CSMD1: variants seen among roughly 807,000 people sequenced by gnomAD.
CSMD1 encodes CUB and sushi domain-containing protein 1.
In CSMD1, 213 loss-of-function variants were observed where a neutral mutation model predicts 417.5. The observed-to-expected ratio is 0.51, with a 90% CI of 0.46 to 0.57. The LOEUF (loss-of-function observed/expected upper bound fraction) is 0.57, where lower values mean the gene tolerates loss of function less well. CSMD1 is among the 20% of genes least tolerant of loss of function. The pLI is 0.00. For missense variants in CSMD1, 6,923 were observed against 4,529.7 expected, an observed-to-expected ratio of 1.53 and a Z score of -15.17; for synonymous variants, 2,862 against 1,736.8, an observed-to-expected ratio of 1.65 and a Z score of -16.11.
chr8:4,486,621 A>G (rs1269069923), intron 2 of CSMD1, among the ~76,000 whole-genome samples: 1 of 152,076 alleles, frequency 6.6e-6, no homozygotes, highest in East Asian at 1.9e-4. Flanking sequence ...TATAAATACG[A>G]CTCAGTGACC....
At chr8:4,887,357 A>G (rs1012693149) in intron 1 of CSMD1, among the ~76,000 whole-genome samples, 7 of 152,068 alleles carry the variant, frequency 4.6e-5, no homozygotes, top group South Asian at 2.1e-4. Flanking sequence ...ATCCGTTTAA[A>G]TGTATTAAGG....
intron 26 of CSMD1, among the ~76,000 whole-genome samples, chr8:3,255,869 C>G (rs1048245998): frequency 1.3e-5 from 2 of 152,190 alleles, no homozygotes; most frequent in African/African-American, 4.8e-5. Context: ...GCTGCACCCA[C>G]TGTCCTGCAC....
intron 3 of CSMD1, among the ~76,000 whole-genome samples, chr8:4,408,460 G>T (rs530050487): frequency 6.6e-6 from 1 of 152,296 alleles, no homozygotes; most frequent in East Asian, 1.9e-4. Context: ...ATAACTGCAT[G>T]AATTATTGAC....
chr8:4,420,896 C>G (rs1265183493), intron 2 of CSMD1, among the ~76,000 whole-genome samples: 1 of 152,150 alleles, frequency 6.6e-6, no homozygotes, highest in South Asian at 2.1e-4. Flanking sequence ...CTTTCACCCT[C>G]CTAGGAGCCC....
chr8:4,261,095 CTA>C (rs1167492277), intron 3 of CSMD1, among the ~76,000 whole-genome samples: 1 of 152,170 alleles, frequency 6.6e-6, no homozygotes, highest in African/African-American at 2.4e-5. Flanking sequence ...TATAATTTTT[CTA>C]TGTGTCATTT....
At chr8:4,715,231 T>C (rs572097675) in intron 1 of CSMD1, among the ~76,000 whole-genome samples, 153 of 152,352 alleles carry the variant, frequency 1.0e-3, no homozygotes, top group African/African-American at 3.6e-3. Context: ...TTTTTATGAA[T>C]TTGAATTCAT....
intron 3 of CSMD1, among the ~76,000 whole-genome samples, chr8:4,267,676 C>T (rs1028857829): frequency 2.6e-5 from 4 of 152,040 alleles, no homozygotes; most frequent in African/African-American, 9.7e-5. Flanking sequence ...GCTTTGGCTT[C>T]ACTCCCTCCT....
intron 3 of CSMD1, among the ~76,000 whole-genome samples, chr8:4,103,582 T>A (rs974983993): frequency 2.0e-5 from 3 of 152,046 alleles, no homozygotes; most frequent in Non-Finnish European, 4.4e-5. Context: ...ATACAAAAAA[T>A]GTTGGACTCA....
intron 7 of CSMD1, among the ~76,000 whole-genome samples, chr8:3,623,887 G>C (rs1191637125): frequency 6.6e-6 from 1 of 152,054 alleles, no homozygotes; most frequent in Non-Finnish European, 1.5e-5. Flanking sequence ...TGAGGCAGGA[G>C]AATCGCTTGA....
intron 26 of CSMD1, among the ~76,000 whole-genome samples, chr8:3,232,098 G>C (rs1383400089): frequency 6.6e-6 from 1 of 152,176 alleles, no homozygotes; most frequent in Middle Eastern, 3.2e-3. Context: ...CAATACATCA[G>C]TATGATCAAT....
chr8:3,172,932 G>A (rs778885190), intron 37 of CSMD1, among the ~76,000 whole-genome samples: 4 of 152,172 alleles, frequency 2.6e-5, no homozygotes, highest in South Asian at 2.1e-4. Context: ...TTGGAAGTAC[G>A]TGACGTTACT....
intron 7 of CSMD1, among the ~76,000 whole-genome samples, chr8:3,670,904 T>C (rs62651764): frequency 8.8e-6 from 1 of 113,196 alleles, no homozygotes; most frequent in East Asian, 2.6e-4. Flanking sequence ...GTGATATATA[T>C]GTATATGGGA....
At chr8:3,944,005 T>C (rs11136683) in intron 5 of CSMD1, among the ~76,000 whole-genome samples, 17,572 of 152,138 alleles carry the variant, frequency 0.12, 1,104 homozygotes, top group East Asian at 0.19. Context: ...AGTTAATATA[T>C]TGACTTTAAT....
At chr8:4,014,816 T>C (rs959806052) in intron 4 of CSMD1, among the ~76,000 whole-genome samples, 6 of 152,200 alleles carry the variant, frequency 3.9e-5, no homozygotes, top group African/African-American at 1.4e-4. Context: ...TACAGCTCTA[T>C]AACCTAACAT....
chr8:4,460,582 TAAA>T (rs1799752966), intron 2 of CSMD1, among the ~76,000 whole-genome samples: 1 of 150,402 alleles, frequency 6.6e-6, no homozygotes, highest in African/African-American at 2.5e-5. Context: ...GTTCAAGAAA[TAAA>T]GAAGTCTCAA....
chr8:3,847,336 G>A (rs1331254262), intron 5 of CSMD1, among the ~76,000 whole-genome samples: 1 of 152,158 alleles, frequency 6.6e-6, no homozygotes, highest in South Asian at 2.1e-4. Context: ...ACCCTTAAAA[G>A]TGTTCCAAGT....
intron 10 of CSMD1, among the ~76,000 whole-genome samples, chr8:3,545,118 G>A (rs1274446625): frequency 6.6e-6 from 1 of 152,142 alleles, no homozygotes; most frequent in East Asian, 1.9e-4. Flanking sequence ...TATCAAAGCA[G>A]ATCGTCTCTC....
rs370464858 is a variant in CSMD1, at chr8:3,408,250, A to C, written c.1745-25T>G. ...ACTGTGAAGATGCAAATATATTTTCAAACAGTTATGCACATATCCAAAGAA... is the reference window on the plus strand; with the variant it reads ...ACTGTGAAGATGCAAATATATTTTCCAACAGTTATGCACATATCCAAAGAA... On this transcript the variant is annotated intron_variant, in intron 13 of 69. Transcript: ENST00000635120. The C allele has an allele frequency of 3.9e-6, 6 of 1,540,706 alleles. No homozygotes were observed. In the African/African-American group the frequency reaches 6.8e-5, roughly 18 times the overall value.
At chr8:4,843,758 T>A (rs532049243) in intron 1 of CSMD1, among the ~76,000 whole-genome samples, 7 of 152,302 alleles carry the variant, frequency 4.6e-5, no homozygotes, top group Non-Finnish European at 1.0e-4. Context: ...AGGTTGTACA[T>A]AAGAGGTCTC....
Sources: allele counts gnomAD v4.1 joint callset (sites outside exome capture counted in the v4.1 genomes callset), GRCh38; gene constraint gnomAD v4.1.1; transcripts MANE v1.5; gene names NCBI Gene and HGNC (gene_info 2026-07-23, HGNC 2026-07-21).